The following NEBL variants were observed in gnomAD, a reference collection of about 807,000 sequenced individuals.
NEBL encodes nebulette.
Under a neutral mutation model 140.2 loss-of-function variants are expected in NEBL, and 122 were observed. The observed-to-expected ratio is 0.87, with a 90% CI of 0.75 to 1.01. NEBL has a LOEUF of 1.01. Ranked by LOEUF, NEBL falls within the 50% of genes least tolerant of loss-of-function variation. NEBL has a pLI of 0.00. For synonymous variants in NEBL, 436 were observed against 398.9 expected, an observed-to-expected ratio of 1.09 and a Z score of -1.11; for missense variants, 1,365 against 1,231.3, an observed-to-expected ratio of 1.11 and a Z score of -1.62.
At chr10:20,814,657 A>C (rs1838544348) in intron 22 of NEBL, among the ~76,000 whole-genome samples, 1 of 140,378 alleles carries the variant, frequency 7.1e-6, no homozygotes, top group Non-Finnish European at 1.5e-5. Context: ...TATCATATTT[A>C]AGTTAAACAG....
intron 2 of NEBL, among the ~76,000 whole-genome samples, chr10:21,097,638 G>A (rs905987945): frequency 6.6e-6 from 1 of 152,156 alleles, no homozygotes; most frequent in Non-Finnish European, 1.5e-5. Flanking sequence ...TTACAAACAG[G>A]TTTCCATGGC....
chr10:21,067,120 C>T (rs1251803184), intron 2 of NEBL, among the ~76,000 whole-genome samples: 6 of 151,594 alleles, frequency 4.0e-5, no homozygotes, highest in Admixed American at 3.9e-4. Context: ...CTACAGGCGC[C>T]CGCCACCACG....
chr10:21,171,894 A>G (rs1841091635), intron 2 of NEBL: 1 of 192,222 alleles, frequency 5.2e-6, no homozygotes, highest in Non-Finnish European at 1.1e-5. Context: ...CCATTCTCCA[A>G]ACCATTCTTT....
At chr10:20,849,776 A>C (rs1432669654) in intron 11 of NEBL, among the ~76,000 whole-genome samples, 2 of 152,232 alleles carry the variant, frequency 1.3e-5, no homozygotes, top group South Asian at 4.1e-4. Flanking sequence ...TATAAACTAA[A>C]GAGAAAAGGA....
intron 2 of NEBL, among the ~76,000 whole-genome samples, chr10:20,891,068 T>C (rs902533006): frequency 6.6e-6 from 1 of 152,184 alleles, no homozygotes; most frequent in Non-Finnish European, 1.5e-5. Flanking sequence ...TGAATAATAT[T>C]GATGTTATAC....
intron 7 of NEBL, among the ~76,000 whole-genome samples, chr10:20,860,925 A>G (rs78153109): frequency 0.013 from 2,005 of 152,190 alleles, 39 homozygotes; most frequent in African/African-American, 0.044. Flanking sequence ...GCATTTGGTA[A>G]ATATTTTGAG....
At chr10:21,143,176 C>T (rs1839723956) in intron 2 of NEBL, among the ~76,000 whole-genome samples, 1 of 152,078 alleles carries the variant, frequency 6.6e-6, no homozygotes. Context: ...AAGCCAGGCC[C>T]AGTGGCTCAC....
chr10:20,808,700 C>T (rs753927740), intron 25 of NEBL, 41 bp from the exon 26 acceptor site: 6 of 1,584,118 alleles, frequency 3.8e-6, no homozygotes, highest in Non-Finnish European at 5.2e-6. Context: ...GATTAAGTGA[C>T]TCGAAAAACA....
At chr10:20,993,292 C>T (rs1427080847) in intron 3 of NEBL, among the ~76,000 whole-genome samples, 1 of 152,058 alleles carries the variant, frequency 6.6e-6, no homozygotes, top group African/African-American at 2.4e-5. Flanking sequence ...CAAAAGATAC[C>T]ACTAAGTTAT....
chr10:21,094,330 G>A lies in NEBL; in HGVS notation c.165-74129C>T, dbSNP rs182304703. 1.2e-4 allele frequency among the ~76,000 whole-genome samples: 18 copies of A among 151,968 alleles called. No homozygotes were observed. The East Asian group carries it at 1.7e-3, about 15-fold the overall frequency. On this transcript the variant is annotated intron_variant, in intron 2 of 6. Transcript: ENST00000417816. The stretch of plus-strand genomic sequence containing the variant: ...ATCCTGGCTAATACGGTGAAACCCC[G>A]TCTCTACTAAAAATATAAAAAATTA...
At chr10:21,217,011 T>C (rs1162930746) in intron 3 of NEBL, among the ~76,000 whole-genome samples, 3 of 151,910 alleles carry the variant, frequency 2.0e-5, no homozygotes, top group Admixed American at 6.6e-5. Flanking sequence ...AATCATACTT[T>C]TGCTAATTTT....
Position 20,880,861 on chromosome 10 carries a change from T to A in NEBL, c.413A>T (p.Asp138Val), listed in dbSNP as rs1368875153. Residue 138 changes from aspartate (D) to valine (V), a missense_variant, in exon 5 of 28, where the codon GAT becomes GTT. By Grantham distance (152) the Asp-to-Val change is radical (BLOSUM62 -3). This residue lies in a region of NEBL where 1,323 missense variants were observed against 1,154.8 expected (regional missense o/e 1.15). Coordinates refer to ENST00000377122, the MANE Select transcript of NEBL (RefSeq NM_006393.3). ...AGGGGGCTCCTTCATGTGGGCATAATCTGAGAATCCTTTGGCAGCATCATG... is the reference window on the plus strand; with the variant it reads ...AGGGGGCTCCTTCATGTGGGCATAAACTGAGAATCCTTTGGCAGCATCATG... ...QKHDAAKGFS[D>V]YAHMKEPPEV... 6.2e-7 allele frequency: 1 copy of A among 1,614,130 alleles called. No homozygotes were observed. The highest frequency in any genetic ancestry group is 2.2e-5 in the East Asian group (1 of 44,854).
intron 16 of NEBL, 55 bp from the exon 17 acceptor site, chr10:20,828,689 A>AGAGGGAGGGAGGGAGGCAGGAAAG (rs1840117836): frequency 8.5e-7 from 1 of 1,170,252 alleles, no homozygotes. Context: ...CGCACATGTG[A>AGAGGGAGGGAGGGAGGCAGGAAAG]GAGGGAGGGA....
upstream of NEBL, chr10:20,897,465 T>G: frequency 8.3e-7 from 1 of 1,209,546 alleles, no homozygotes; most frequent in Non-Finnish European, 1.0e-6. Flanking sequence ...TATGAACTTT[T>G]AAAGTCAACA....
chr10:21,225,733 T>A lies in NEBL; in HGVS notation n.348+22188A>T, dbSNP rs958550635. Among the ~76,000 whole-genome samples the A allele has an allele frequency of 5.3e-5, 8 of 152,270 alleles. 1 individual carries two copies. Among genetic ancestry groups the A allele is most frequent in the Middle Eastern group, 3.4e-3 (1 of 294 alleles). ...CACTCAAGGCCCAAGCGCTCTTCAG[T>A]CAGCTTGTGGTGAATGCTGTAAGGC... On this transcript the variant is annotated intron_variant and non_coding_transcript_variant, in intron 3 of 8. Transcript: ENST00000675702.
At chr10:20,818,946 C>T in intron 20 of NEBL, 2 of 966,592 alleles carry the variant, frequency 2.1e-6, no homozygotes, top group East Asian at 1.1e-4. Flanking sequence ...CGTTTATCAT[C>T]ATCGTTATTA....
In NEBL at chr10:20,781,925, C is replaced by A. The variant is rs1835060366; in HGVS notation, c.*3822G>T. Reference sequence around the variant, plus strand: ...CACTTTTAGATTATCAGAAGCAAATCGCTAAGGTATAATTAATTTATGAAG... The same window carrying A: ...CACTTTTAGATTATCAGAAGCAAATAGCTAAGGTATAATTAATTTATGAAG... On this transcript the variant is annotated 3_prime_UTR_variant, in exon 28 of 28. Coordinates refer to ENST00000377122, the MANE Select transcript of NEBL (RefSeq NM_006393.3). 6.6e-6 allele frequency: 1 copy of A among 152,550 alleles called. No homozygotes were observed. Among genetic ancestry groups the A allele is most frequent in the Non-Finnish European group, 1.5e-5 (1 of 68,026 alleles). The allele number at this position is 152,550 out of a possible 1,614,324, so 9.4% of individuals were successfully genotyped here.
At chr10:20,802,789 A>G (rs1029043432) in intron 26 of NEBL, among the ~76,000 whole-genome samples, 1 of 152,208 alleles carries the variant, frequency 6.6e-6, no homozygotes, top group African/African-American at 2.4e-5. Flanking sequence ...ATAACTGCCC[A>G]AGTACTTCAT....
intron 3 of NEBL, among the ~76,000 whole-genome samples, chr10:21,011,145 A>G (rs972556366): frequency 6.6e-6 from 1 of 152,226 alleles, no homozygotes; most frequent in African/African-American, 2.4e-5. Flanking sequence ...GAATTTTACT[A>G]CAACCTACAT....
Sources: gnomAD v4.1 joint callset for allele counts (sites outside exome capture counted in the v4.1 genomes callset) on GRCh38, gnomAD v4.1.1 for gene constraint, gnomAD v4.1.1 regional missense constraint, MANE v1.5 for transcripts, NCBI Gene and HGNC (gene_info 2026-07-23, HGNC 2026-07-21) for gene names.